Variants in UHRF2 observed in about 807,000 individuals in gnomAD.
UHRF2 encodes the protein E3 ubiquitin-protein ligase UHRF2.
Under a neutral mutation model 96.8 loss-of-function variants are expected in UHRF2, and 23 were observed. That is an observed-to-expected ratio of 0.24 (90% CI 0.17 to 0.34). The LOEUF is 0.34. UHRF2 is among the 10% of genes least tolerant of loss of function. UHRF2 has a pLI of 1.00. For missense variants in UHRF2, 685 were observed against 981.5 expected (o/e 0.70, Z 4.04); for synonymous variants, 385 against 332.6 (o/e 1.16, Z -1.72).
chr9:6,463,079 C>T (rs143037654), intron 4 of UHRF2, among the ~76,000 whole-genome samples: 1 of 152,044 alleles, frequency 6.6e-6, no homozygotes, highest in African/African-American at 2.4e-5. Flanking sequence ...GTCAGGAGAT[C>T]GAGACCAGTC....
intron 3 of UHRF2, among the ~76,000 whole-genome samples, chr9:6,436,175 A>G (rs1461584602): frequency 6.6e-6 from 1 of 152,232 alleles, no homozygotes; most frequent in African/African-American, 2.4e-5. Context: ...TTTTCATACC[A>G]CAAAACAGTA....
intron 3 of UHRF2, among the ~76,000 whole-genome samples, chr9:6,445,768 T>A (rs1158441898): frequency 1.3e-5 from 2 of 152,148 alleles, no homozygotes; most frequent in Non-Finnish European, 2.9e-5. Context: ...CTCCCTATGT[T>A]GCCTAGACTG....
At chr9:6,425,601 A>G (rs1820210801) in intron 2 of UHRF2, among the ~76,000 whole-genome samples, 1 of 146,992 alleles carries the variant, frequency 6.8e-6, no homozygotes, top group South Asian at 2.1e-4. Context: ...CCGAAAATTA[A>G]AAAAAAAAAA....
intron 3 of UHRF2, among the ~76,000 whole-genome samples, chr9:6,440,874 G>A (rs1821121326): frequency 1.3e-5 from 2 of 152,224 alleles, no homozygotes; most frequent in South Asian, 4.2e-4. Context: ...ATCCTTCTGA[G>A]GGAGCCCCCT....
At chr9:6,452,422 C>T (rs1269069675) in intron 3 of UHRF2, among the ~76,000 whole-genome samples, 1 of 152,158 alleles carries the variant, frequency 6.6e-6, no homozygotes, top group African/African-American at 2.4e-5. Flanking sequence ...TATGAGAGTA[C>T]TTGTTTTCCC....
At position 6,477,722 on chromosome 9, in the gene UHRF2, G is replaced by T; in HGVS notation, c.1074G>T (p.Met358Ile). Residue 358 changes from methionine (M) to isoleucine (I), a missense_variant, in exon 6 of 16, where the codon ATG becomes ATT. Transcript: ENST00000276893. ...GTGGTGGGAAACATGAACCCAACAT[G>T]CAGCTTCTGTGTGATGAATGTAATG... is the stretch of plus-strand genomic sequence containing the variant. ...RVCGGKHEPN[M>I]QLLCDECNVA... 6.2e-7 allele frequency: 1 copy of T among 1,614,030 alleles called. No homozygotes were observed.
At position 6,413,375 on chromosome 9, in the gene UHRF2, T is replaced by C. The variant is rs532184223; in HGVS notation, c.-116T>C. The C allele has an allele frequency of 1.8e-6, 2 of 1,086,790 alleles. No individual in the cohort carries two copies. Among genetic ancestry groups the C allele is most frequent in the Non-Finnish European group, 2.3e-6 (2 of 867,354 alleles). 67.3% of individuals were successfully genotyped at this position (1,086,790 alleles called of 1,614,324 possible). A position where few individuals can be genotyped will look rare whatever the true frequency, so the allele number is the denominator to read the frequency against. On this transcript the variant is annotated 5_prime_UTR_variant, in exon 1 of 16. Coordinates refer to ENST00000276893, the MANE Select transcript of UHRF2 (RefSeq NM_152896.3). The stretch of plus-strand genomic sequence containing the variant: ...CGTCCGGTCGGTCCGGTGGGCGCGC[T>C]CGCCCGCCTGCCGCTGAGGGCCCGA...
chr9:6,466,694 A>G lies in UHRF2; in HGVS notation c.863+5903A>G, dbSNP rs138942307. 6.8e-4 allele frequency among the ~76,000 whole-genome samples: 104 copies of G among 152,272 alleles called. No homozygotes were observed. In the East Asian group the frequency reaches 0.019, roughly 27 times the overall value. On this transcript the variant is annotated intron_variant, in intron 4 of 15. Transcript: ENST00000276893. ...TCTTATTGAACATGGCTTCTTACAG[A>G]ATATATACTTAATATGCATATCAAG...
At chr9:6,437,865 A>C (rs992327478) in intron 3 of UHRF2, among the ~76,000 whole-genome samples, 1 of 152,038 alleles carries the variant, frequency 6.6e-6, no homozygotes, top group African/African-American at 2.4e-5. Flanking sequence ...CACCCACCTT[A>C]GCCTCCCAGA....
rs144703013 is a variant in UHRF2 at position 6,479,712 on chromosome 9, C to A, written c.1160+1904C>A. 2.6e-4 allele frequency among the ~76,000 whole-genome samples: 39 copies of A among 152,282 alleles called. 1 individual carries two copies. The highest frequency in any genetic ancestry group is 3.9e-4 in the Admixed American group (6 of 15,286). On this transcript the variant is annotated intron_variant, in intron 6 of 15. Coordinates refer to ENST00000276893, the MANE Select transcript of UHRF2 (RefSeq NM_152896.3). ...ACAAACTCCCTAAAATCCTGCTCCT[C>A]CCCCAGTCTTCATTAAATAGTACTA...
At chr9:6,417,949 A>T (rs1819706748) in intron 1 of UHRF2, among the ~76,000 whole-genome samples, 1 of 152,162 alleles carries the variant, frequency 6.6e-6, no homozygotes, top group South Asian at 2.1e-4. Flanking sequence ...ATGTTCTTTC[A>T]ATTTCCAGCA....
chr9:6,504,830 C>T (rs960792691), intron 15 of UHRF2, 139 bp downstream of exon 15: 9 of 544,696 alleles, frequency 1.7e-5, no homozygotes, highest in South Asian at 1.4e-4. Context: ...CATTTAGTTA[C>T]GTCTTGGTGG....
rs1394148613 is a variant in UHRF2 at position 6,506,643 on chromosome 9, C to CT, written c.*470dup. The CT allele has an allele frequency of 2.6e-5, 4 of 152,970 alleles. No homozygotes were observed. The highest frequency in any genetic ancestry group is 9.6e-5 in the African/African-American group (4 of 41,456). 9.5% of individuals were successfully genotyped at this position (152,970 alleles called of 1,614,324 possible). On this transcript the variant is annotated 3_prime_UTR_variant, in exon 16 of 16. Coordinates refer to ENST00000276893, the MANE Select transcript of UHRF2 (RefSeq NM_152896.3). ...ACACAGCTTCTAAAGTGTGCATATA[C>CT]TTTTTTAACGTCTCTTCTTCCATTA...
At chr9:6,442,472 GTT>G (rs1292177019) in intron 3 of UHRF2, among the ~76,000 whole-genome samples, 1 of 2,442 alleles carries the variant, frequency 4.1e-4, no homozygotes, top group Non-Finnish European at 1.4e-3. Flanking sequence ...GTTTTGTTTT[GTT>G]TTGTTTGTTT....
intron 2 of UHRF2, among the ~76,000 whole-genome samples, chr9:6,427,502 C>T (rs1820324547): frequency 1.3e-5 from 2 of 152,068 alleles, no homozygotes; most frequent in African/African-American, 4.8e-5. Flanking sequence ...TCCTGGCCAA[C>T]ATGGTGAAAC....
At chr9:6,454,603 CTATT>C (rs1205655468) in intron 3 of UHRF2, among the ~76,000 whole-genome samples, 1 of 151,854 alleles carries the variant, frequency 6.6e-6, no homozygotes, top group East Asian at 1.9e-4. Flanking sequence ...GGATTAATAT[CTATT>C]TAATCGAAAT....
rs140076470 is a variant in UHRF2, at chr9:6,477,660, C to T, written c.1012C>T (p.Pro338Ser). 6.2e-7 allele frequency: 1 copy of T among 1,613,654 alleles called. No homozygotes were observed. The highest frequency in any genetic ancestry group is 1.1e-5 in the South Asian group (1 of 91,016). The change falls in exon 6 of 16, where the codon CCA becomes TCA. Residue 338 changes from proline to serine, a missense_variant. Pro to Ser is a moderately conservative substitution (Grantham distance 74). Coordinates refer to ENST00000276893, the MANE Select transcript of UHRF2 (RefSeq NM_152896.3). ...DPECDLCGGDPEKKCHSCSCR... is the reference protein window; with the variant it reads ...DPECDLCGGDSEKKCHSCSCR... ...TGAATGTGACCTGTGTGGTGGAGAC[C>T]CAGAAAAGAAATGTCATTCTTGCTC...
chr9:6,442,712 G>A (rs1166438437), intron 3 of UHRF2, among the ~76,000 whole-genome samples: 1 of 151,022 alleles, frequency 6.6e-6, no homozygotes, highest in African/African-American at 2.4e-5. Context: ...GGCTGGTCTC[G>A]AACTCCAGGC....
At chr9:6,478,283 T>A (rs888232606) in intron 6 of UHRF2, among the ~76,000 whole-genome samples, 2 of 152,214 alleles carry the variant, frequency 1.3e-5, no homozygotes, top group Non-Finnish European at 1.5e-5. Context: ...AACATTACCC[T>A]CTTTGGTTAA....
Sources: allele counts gnomAD v4.1 joint callset (sites outside exome capture counted in the v4.1 genomes callset), GRCh38; gene constraint gnomAD v4.1.1; transcripts MANE v1.5; gene names NCBI Gene and HGNC (gene_info 2026-07-23, HGNC 2026-07-21).